THADA: variants seen among roughly 807,000 people sequenced by gnomAD.
THADA encodes tRNA (32-2'-O)-methyltransferase regulator THADA.
THADA carries 213 observed loss-of-function variants against 219.8 expected under a neutral mutation model. That is an observed-to-expected ratio of 0.97 (90% confidence interval 0.87 to 1.09). The LOEUF is 1.09. Among genes scored for constraint, THADA ranks in the 50% least tolerant of loss-of-function variants. THADA has a pLI of 0.00. For missense variants in THADA, 2,956 were observed against 2,311.3 expected, an observed-to-expected ratio of 1.28 and a Z score of -5.72; for synonymous variants, 1,018 against 828.9, an observed-to-expected ratio of 1.23 and a Z score of -3.92.
chr2:43,439,403 G>C (rs1680563683), intron 26 of THADA, among the ~76,000 whole-genome samples: 1 of 152,178 alleles, frequency 6.6e-6, no homozygotes, highest in Non-Finnish European at 1.5e-5. Flanking sequence ...TGAGTAGGGT[G>C]ATGAAATCTC....
chr2:43,316,281 T>A (rs1023036084), intron 31 of THADA, among the ~76,000 whole-genome samples: 3 of 152,188 alleles, frequency 2.0e-5, no homozygotes, highest in Non-Finnish European at 4.4e-5. Context: ...ATACAGCATC[T>A]GAAAAATCCT....
At chr2:43,571,154 G>T (rs1238189510) in intron 13 of THADA, among the ~76,000 whole-genome samples, 9 of 152,294 alleles carry the variant, frequency 5.9e-5, no homozygotes, top group Non-Finnish European at 1.0e-4. Context: ...TACTTCAGAG[G>T]CTGGGGAGGA....
chr2:43,390,072 A>C (rs1280880067), intron 29 of THADA, among the ~76,000 whole-genome samples: 1 of 152,192 alleles, frequency 6.6e-6, no homozygotes, highest in Non-Finnish European at 1.5e-5. Flanking sequence ...TTTACTCTAC[A>C]TCTCTAAGGC....
At chr2:43,502,884 T>A (rs1256757595) in intron 24 of THADA, among the ~76,000 whole-genome samples, 1 of 151,920 alleles carries the variant, frequency 6.6e-6, no homozygotes, top group Admixed American at 6.6e-5. Context: ...AAAACAAAAA[T>A]GAAGGGACAA....
At chr2:43,571,503 G>A (rs1699294916) in intron 13 of THADA, among the ~76,000 whole-genome samples, 1 of 151,996 alleles carries the variant, frequency 6.6e-6, no homozygotes, top group Non-Finnish European at 1.5e-5. Context: ...GGGGGGAGGG[G>A]TGCGTGCTTT....
chr2:43,527,773 G>C, intron 22 of THADA, 106 bp downstream of exon 22: 1 of 733,152 alleles, frequency 1.4e-6, no homozygotes, highest in Non-Finnish European at 2.2e-6. Context: ...TAGTCAACCA[G>C]GTCTTATTCT....
intron 26 of THADA, among the ~76,000 whole-genome samples, chr2:43,470,683 C>G (rs1684807878): frequency 6.6e-6 from 1 of 152,180 alleles, no homozygotes; most frequent in Admixed American, 6.5e-5. Flanking sequence ...AAGACTCTAA[C>G]TTTTTCATAT....
chr2:43,333,415 C>T (rs903480970), intron 30 of THADA, among the ~76,000 whole-genome samples: 2 of 151,502 alleles, frequency 1.3e-5, no homozygotes, highest in South Asian at 4.2e-4. Flanking sequence ...CCTCTCTCTT[C>T]CAGTAAAATC....
chr2:43,232,111 A>G (rs1464934515), intron 37 of THADA, among the ~76,000 whole-genome samples: 1 of 152,208 alleles, frequency 6.6e-6, no homozygotes, highest in Non-Finnish European at 1.5e-5. Flanking sequence ...GCTAACTCCA[A>G]TACTGACTAA....
rs144414011 is a variant in THADA, at chr2:43,416,415, T to C, written c.4058+11685A>G. Among the ~76,000 whole-genome samples the C allele has an allele frequency of 3.1e-3, 473 of 152,344 alleles. 4 individuals carry two copies. The highest frequency in any genetic ancestry group is 0.011 in the African/African-American group (460 of 41,566). On this transcript the variant is annotated intron_variant, in intron 28 of 37. Transcript: ENST00000405975. The stretch of plus-strand genomic sequence containing the variant: ...GAGCAGGCTTATTTACACAGTAGCC[T>C]GTAGATTTCATACAAATATATATTT...
intron 35 of THADA, among the ~76,000 whole-genome samples, chr2:43,285,323 T>G (rs1227475891): frequency 6.6e-6 from 1 of 152,174 alleles, no homozygotes; most frequent in East Asian, 1.9e-4. Context: ...GTAGGCAGAT[T>G]TCCCCCTTGC....
intron 36 of THADA, among the ~76,000 whole-genome samples, chr2:43,235,614 T>C (rs1263772595): frequency 6.6e-6 from 1 of 151,990 alleles, no homozygotes; most frequent in Admixed American, 6.6e-5. Context: ...TTTTATGGTC[T>C]CCTTAAGGCA....
intron 15 of THADA, chr2:43,565,538 T>C (rs959099930): frequency 1.3e-5 from 2 of 152,342 alleles, no homozygotes; most frequent in South Asian, 4.1e-4. Context: ...ATAAAAACTT[T>C]TAAAAACTGA....
chr2:43,456,871 A>G (rs758134280), intron 26 of THADA, among the ~76,000 whole-genome samples: 1 of 152,226 alleles, frequency 6.6e-6, no homozygotes, highest in Non-Finnish European at 1.5e-5. Flanking sequence ...ACCAGAGAAC[A>G]TAACTCACTT....
At chr2:43,559,749 ACTCGGTAAGTTTCAGT>A in intron 16 of THADA, among the ~76,000 whole-genome samples, 1 of 152,308 alleles carries the variant, frequency 6.6e-6, no homozygotes, top group East Asian at 1.9e-4. Flanking sequence ...AACCTCAAGT[ACTCGGTAAGTTTCAGT>A]CTCAGTTTAG....
intron 33 of THADA, 147 bp from the exon 34 acceptor site, chr2:43,291,915 T>C (rs1674777287): frequency 3.7e-6 from 3 of 804,592 alleles, no homozygotes; most frequent in Non-Finnish European, 5.8e-6. Context: ...CCGGAAGCAA[T>C]TACCTTTTGG....
At chr2:43,239,370 G>A (rs1464484251) in intron 36 of THADA, among the ~76,000 whole-genome samples, 1 of 152,056 alleles carries the variant, frequency 6.6e-6, no homozygotes, top group African/African-American at 2.4e-5. Context: ...CCCATCCCCC[G>A]CCCCCCAACA....
intron 4 of THADA, 42 bp downstream of exon 4, chr2:43,590,782 T>G (rs1430467822): frequency 3.1e-6 from 5 of 1,600,006 alleles, no homozygotes; most frequent in Non-Finnish European, 4.3e-6. Context: ...TTGGTCAAAT[T>G]CAACATTTAT....
chr2:43,502,002 G>A (rs1034804111), intron 24 of THADA, among the ~76,000 whole-genome samples: 2 of 151,922 alleles, frequency 1.3e-5, no homozygotes, highest in Non-Finnish European at 1.5e-5. Flanking sequence ...TTAATAGACA[G>A]CACAGAAACA....
Sources: gnomAD v4.1 joint callset for allele counts (sites outside exome capture counted in the v4.1 genomes callset) on GRCh38, gnomAD v4.1.1 for gene constraint, MANE v1.5 for transcripts, NCBI Gene and HGNC (gene_info 2026-07-23, HGNC 2026-07-21) for gene names.